AIDA: variants seen among roughly 807,000 people sequenced by gnomAD.
AIDA encodes axin interactor, dorsalization-associated protein.
AIDA carries 18 observed loss-of-function variants against 42.7 expected under a neutral mutation model. That is an observed-to-expected ratio of 0.42 (90% CI 0.29 to 0.63). AIDA has a LOEUF of 0.63. Among genes scored for constraint, AIDA ranks in the 20% least tolerant of loss-of-function variants. AIDA has a pLI of 0.19. For missense variants in AIDA, 250 were observed against 354.1 expected, an observed-to-expected ratio of 0.71 and a Z score of 2.36; for synonymous variants, 104 against 122.9, an observed-to-expected ratio of 0.85 and a Z score of 1.02.
chr1:222,704,135 AATGGAACTGCATCCTT>A (rs1655780884), intron 1 of AIDA, among the ~76,000 whole-genome samples: 1 of 152,192 alleles, frequency 6.6e-6, no homozygotes, highest in South Asian at 2.1e-4. Context: ...TTTTTTAAAA[AATGGAACTGCATCCTT>A]ATGGGGGAAA....
intron 2 of AIDA, among the ~76,000 whole-genome samples, chr1:222,694,671 C>T (rs2124962248): frequency 6.6e-6 from 1 of 152,232 alleles, no homozygotes; most frequent in South Asian, 2.1e-4. Context: ...GACTTAAGTC[C>T]AACACCAACT....
At chr1:222,689,046 T>C (rs979377923) in intron 4 of AIDA, among the ~76,000 whole-genome samples, 1 of 149,704 alleles carries the variant, frequency 6.7e-6, no homozygotes, top group African/African-American at 2.5e-5. Flanking sequence ...CCTAAGCTAA[T>C]GTGTGTGTGT....
At chr1:222,676,043 A>G in intron 7 of AIDA, 53 bp downstream of exon 7, 1 of 1,521,364 alleles carries the variant, frequency 6.6e-7, no homozygotes, top group South Asian at 1.3e-5. Flanking sequence ...CCCAAATGAG[A>G]AGCAACATTA....
At chr1:222,703,300 T>C in intron 1 of AIDA, 83 bp from the exon 2 acceptor site, 5 of 1,009,342 alleles carry the variant, frequency 5.0e-6, no homozygotes, top group Non-Finnish European at 7.3e-6. Context: ...CTTTTTAACA[T>C]GTGAAGTACA....
chr1:222,689,578 TATACAC>T (rs1317489741), intron 4 of AIDA, among the ~76,000 whole-genome samples: 16 of 133,054 alleles, frequency 1.2e-4, no homozygotes, highest in African/African-American at 4.5e-4. Context: ...TGTATATATA[TATACAC>T]ACACACACAC....
In AIDA at chr1:222,700,725, G is replaced by A. The variant is rs1427064610; in HGVS notation, c.180+2423C>T. 2.2e-3 allele frequency among the ~76,000 whole-genome samples: 333 copies of A among 149,962 alleles called. 3 individuals are homozygous for A. Among genetic ancestry groups the A allele is most frequent in the African/African-American group, 7.8e-3 (320 of 40,810 alleles). On this transcript the variant is annotated intron_variant, in intron 2 of 9. Coordinates refer to ENST00000340020, the MANE Select transcript of AIDA (RefSeq NM_022831.4). ...AGCCGAGATAGCGCCACTGCACTCC[G>A]GCCTGGGTGACAGAGCAAGACTCCG...
chr1:222,689,504 T>TAC (rs1558211675), intron 4 of AIDA, among the ~76,000 whole-genome samples: 2 of 72,020 alleles, frequency 2.8e-5, no homozygotes, highest in Non-Finnish European at 6.0e-5. Flanking sequence ...TATATATATA[T>TAC]ATATATATAT....
At position 222,686,263 on chromosome 1, in the gene AIDA, G is replaced by A. The variant is rs1238592635; in HGVS notation, c.460+667C>T. 3.9e-5 allele frequency among the ~76,000 whole-genome samples: 6 copies of A among 152,338 alleles called. No individual in the cohort carries two copies. The East Asian group carries it at 7.7e-4, about 20-fold the overall frequency. On this transcript the variant is annotated intron_variant, in intron 6 of 9. Transcript: ENST00000340020. ...TTATTCTTAGAAAACCTCCTTGCCAGGTCAGCCCATGGCTGGCATCTGGGA... is the reference window on the plus strand; with the variant it reads ...TTATTCTTAGAAAACCTCCTTGCCAAGTCAGCCCATGGCTGGCATCTGGGA...
Position 222,686,961 on chromosome 1 carries a change from C to A in AIDA, c.429G>T (p.Gly143=). ...EDEEEGGAGA[G]SPDSFPARVP... is the part of the protein sequence containing the mutation. ...CTCTAGCAGGAAAAGAATCAGGAGA[C>A]CCTGCTCCAGCACCACCCTCTTCTT... The change falls in exon 6 of 10, where the codon GGG becomes GGT. Residue 143 remains glycine (G), a synonymous_variant. Transcript: ENST00000340020. 2 of 1,613,770 alleles carry A rather than the reference C, an allele frequency of 1.2e-6. No individual in the cohort carries two copies. The highest frequency in any genetic ancestry group is 1.1e-5 in the South Asian group (1 of 91,044).
chr1:222,686,403 G>C (rs1655183433), intron 6 of AIDA, among the ~76,000 whole-genome samples: 3 of 152,156 alleles, frequency 2.0e-5, no homozygotes, highest in Non-Finnish European at 4.4e-5. Flanking sequence ...GTCTGGAATT[G>C]TGGTCTGTGC....
Position 222,676,122 on chromosome 1 carries a change from T to G in AIDA, c.557A>C (p.Asp186Ala). 2.5e-6 allele frequency: 4 copies of G among 1,611,352 alleles called. No individual in the cohort carries two copies. The highest frequency in any genetic ancestry group is 3.4e-6 in the Non-Finnish European group (4 of 1,179,040). The stretch of plus-strand genomic sequence containing the variant: ...CTTTACACTAACTGTAATATAGGGA[T>G]CGATGCACTGCCCAGCATCTTTCAA... The part of the protein sequence containing the change: ...IGLKDAGQCI[D>A]PYITVSVKDL... Residue 186 changes from aspartate to alanine, a missense_variant, in exon 7 of 10, where the codon GAT becomes GCT. Transcript: ENST00000340020.
chr1:222,671,126 C>T (rs1664440799), intron 8 of AIDA, among the ~76,000 whole-genome samples: 1 of 152,080 alleles, frequency 6.6e-6, no homozygotes, highest in African/African-American at 2.4e-5. Flanking sequence ...ACTCGGGAGG[C>T]TGAGTTGGTA....
At chr1:222,689,481 G>GTATA (rs1183093082) in intron 4 of AIDA, among the ~76,000 whole-genome samples, 524 of 35,140 alleles carry the variant, frequency 0.015, 6 homozygotes, top group South Asian at 0.019. Flanking sequence ...GTGTGTGTGT[G>GTATA]TATATATATA....
intron 1 of AIDA, among the ~76,000 whole-genome samples, chr1:222,709,058 T>C (rs1655921542): frequency 6.6e-6 from 1 of 152,102 alleles, no homozygotes; most frequent in Non-Finnish European, 1.5e-5. Context: ...CCCTGCAACA[T>C]AAGCCCATAC....
chr1:222,693,743 T>C, intron 4 of AIDA, 46 bp downstream of exon 4: 1 of 1,441,568 alleles, frequency 6.9e-7, no homozygotes, highest in Non-Finnish European at 9.7e-7. Flanking sequence ...TACAATAGAT[T>C]ATTTTTCCAA....
At chr1:222,694,187 T>A (rs759205110) in intron 3 of AIDA, 23 bp downstream of exon 3, 3 of 1,593,122 alleles carry the variant, frequency 1.9e-6, no homozygotes, top group Non-Finnish European at 2.6e-6. Context: ...TTCCTTGTAT[T>A]ACAGAAGAGA....
chr1:222,689,560 T>TATATATGTATATATATATATAC (rs1491489854), intron 4 of AIDA, among the ~76,000 whole-genome samples: 5 of 66,352 alleles, frequency 7.5e-5, no homozygotes, highest in Non-Finnish European at 1.7e-4. Flanking sequence ...CATATATATG[T>TATATATGTATATATATATATAC]ATATATATGT....
intron 2 of AIDA, among the ~76,000 whole-genome samples, chr1:222,700,573 C>T (rs1439504304): frequency 1.3e-5 from 2 of 151,770 alleles, no homozygotes; most frequent in Non-Finnish European, 2.9e-5. Flanking sequence ...CTGGCTAACA[C>T]GTGAAACCCT....
At chr1:222,678,342 T>C (rs1407070971) in intron 6 of AIDA, among the ~76,000 whole-genome samples, 3 of 152,088 alleles carry the variant, frequency 2.0e-5, no homozygotes, top group African/African-American at 7.2e-5. Flanking sequence ...GTTTGTCATT[T>C]TGATTTTGAT....
Sources: allele counts gnomAD v4.1 joint callset (sites outside exome capture counted in the v4.1 genomes callset), GRCh38; gene constraint gnomAD v4.1.1; transcripts MANE v1.5; gene names NCBI Gene and HGNC (gene_info 2026-07-23, HGNC 2026-07-21).